CYP2F1: variants seen among roughly 807,000 people sequenced by gnomAD.
CYP2F1 encodes the protein cytochrome P450 family 2 subfamily F member 1.
A neutral mutation model predicts 40.4 loss-of-function variants in CYP2F1; 33 were observed. The ratio of observed to expected loss-of-function variants is 0.82; its 90% CI spans 0.62 to 1.09. The LOEUF is 1.09. CYP2F1 is among the 50% of genes least tolerant of loss of function. CYP2F1 has a pLI of 0.00. For synonymous variants in CYP2F1, 235 were observed against 277.2 expected (o/e 0.85, Z 1.51); for missense variants, 566 against 655.7 (o/e 0.86, Z 1.49).
rs1207573782 is a variant in CYP2F1 at position 41,120,489 on chromosome 19, A to AAC, written c.478_479dup (p.Glu161LeufsTer12). 5 of 1,612,734 alleles carry AAC rather than the reference A, an allele frequency of 3.1e-6. No individual in the cohort carries two copies. The South Asian group carries it at 5.5e-5, about 18-fold the overall frequency. On this transcript the variant is annotated frameshift_variant, in exon 4 of 10. Transcript: ENST00000331105. LOFTEE classifies it high-confidence loss of function. ...GCTTCCTGCTGGCGGAGCTGCGGAA[A>AAC]ACTGAAGGTCAGGAATTTTTTTTAA...
At chr19:41,124,583 T>A (rs2032435141) in intron 7 of CYP2F1, 136 bp from the exon 8 acceptor site, 1 of 770,176 alleles carries the variant, frequency 1.3e-6, no homozygotes, top group Non-Finnish European at 2.0e-6. Context: ...AATTCTCACG[T>A]GCGCCCCAGC....
chr19:41,124,244 T>TC lies in CYP2F1; in HGVS notation c.965-475_965-474insC, dbSNP rs1568381316. On this transcript the variant is annotated intron_variant, in intron 7 of 9. Transcript: ENST00000331105. ...GGCTAATTCTTTTTTTTTTTTCCTC[T>TC]TCCCCCCCCCCTTTTTTTTTTTTTT... Among the ~76,000 whole-genome samples, 86 of 32,948 alleles carry TC rather than the reference T, an allele frequency of 2.6e-3. 1 individual carries two copies. Among genetic ancestry groups the TC allele is most frequent in the Non-Finnish European group, 3.7e-3 (69 of 18,502 alleles). The allele number at this position is 32,948 out of a possible 152,430, so 21.6% of individuals were successfully genotyped here.
chr19:41,125,125 A>G (rs2303171), intron 8 of CYP2F1: 17,316 of 557,816 alleles, frequency 0.031, 687 homozygotes, highest in African/African-American at 0.14. Flanking sequence ...CCCCTTCACC[A>G]TGACAAATCC....
chr19:41,119,784 C>T (rs934194597), intron 3 of CYP2F1, among the ~76,000 whole-genome samples: 58 of 117,070 alleles, frequency 5.0e-4, no homozygotes, highest in African/African-American at 1.4e-3. Flanking sequence ...CACACACACA[C>T]ATATATATTA....
chr19:41,125,255 C>G, intron 8 of CYP2F1: 1 of 633,622 alleles, frequency 1.6e-6, no homozygotes, highest in Non-Finnish European at 2.7e-6. Flanking sequence ...CATCTGTTCC[C>G]ACAAAGGTTG....
chr19:41,114,668 G>T (rs1439208334), intron 1 of CYP2F1, among the ~76,000 whole-genome samples, 176 bp downstream of exon 1: 1 of 152,048 alleles, frequency 6.6e-6, no homozygotes, highest in Non-Finnish European at 1.5e-5. Context: ...GCTTCACCAA[G>T]TAGGTGGCTT....
At position 41,124,477 on chromosome 19, in the gene CYP2F1, T is replaced by C. The variant is rs911052336; in HGVS notation, c.965-242T>C. On this transcript the variant is annotated intron_variant, in intron 7 of 9. Coordinates refer to ENST00000331105, the MANE Select transcript of CYP2F1 (RefSeq NM_000774.5). Reference sequence around the variant, plus strand: ...ATTGGGTTTCACCATGTTGCCCAGATGGTCTCAAACTCCTGGGCTCAAGCG... The same window carrying C: ...ATTGGGTTTCACCATGTTGCCCAGACGGTCTCAAACTCCTGGGCTCAAGCG... Among the ~76,000 whole-genome samples the C allele has an allele frequency of 3.3e-4, 50 of 151,950 alleles. 1 individual carries two copies. Among genetic ancestry groups the C allele is most frequent in the African/African-American group, 1.2e-3 (49 of 41,364 alleles).
Position 41,127,923 on chromosome 19 carries a change from G to A in CYP2F1, c.1317G>A (p.Glu439=). 1 of 1,612,666 alleles carries A rather than the reference G, an allele frequency of 6.2e-7. No individual in the cohort carries two copies. Among genetic ancestry groups the A allele is most frequent in the Non-Finnish European group, 8.5e-7 (1 of 1,179,742 alleles). The change falls in exon 10 of 10, where the codon GAG becomes GAA. Residue 439 remains glutamate, a synonymous_variant. Transcript: ENST00000331105. ...CAGGGCGCCGTCTGTGCCTGGGAGAGTCGCTGGCGCGCATGGAGCTCTTTC... is the reference window on the plus strand; with the variant it reads ...CAGGGCGCCGTCTGTGCCTGGGAGAATCGCTGGCGCGCATGGAGCTCTTTC... ...FSAGRRLCLG[E]SLARMELFLY...
At chr19:41,119,478 G>A (rs1031935219) in intron 3 of CYP2F1, among the ~76,000 whole-genome samples, 2 of 151,576 alleles carry the variant, frequency 1.3e-5, no homozygotes, top group African/African-American at 4.8e-5. Context: ...GCCAGGCGCA[G>A]TGGCTCATGC....
At chr19:41,116,663 G>T (rs1361425941) in intron 3 of CYP2F1, 46 bp downstream of exon 3, 1 of 1,596,942 alleles carries the variant, frequency 6.3e-7, no homozygotes. Context: ...TTTCCATATT[G>T]AGGGAGGGGG....
rs779989368 is a variant in CYP2F1, at chr19:41,116,460, C to A, written c.177C>A (p.Ser59Arg). Residue 59 changes from serine to arginine, a missense_variant, in exon 3 of 10, where the codon AGC becomes AGA. Ser to Arg is a moderately radical substitution (Grantham distance 110, BLOSUM62 -1). Coordinates refer to ENST00000331105, the MANE Select transcript of CYP2F1 (RefSeq NM_000774.5). The part of the protein sequence containing the change: ...QDMLTSLTKL[S>R]KEYGSMYTVH... ...TTCTGTCTTCCTACCCTCAGCTGAG[C>A]AAGGAGTATGGCTCCATGTACACAG... 3 of 1,610,204 alleles carry A rather than the reference C, an allele frequency of 1.9e-6. No individual in the cohort carries two copies. Among genetic ancestry groups the A allele is most frequent in the East Asian group, 2.2e-5 (1 of 44,800 alleles).
At chr19:41,124,413 G>A (rs1309202254) in intron 7 of CYP2F1, among the ~76,000 whole-genome samples, 3 of 151,682 alleles carry the variant, frequency 2.0e-5, no homozygotes, top group Non-Finnish European at 2.9e-5. Context: ...ACAGGTGTGC[G>A]CCACCAAGCC....
At chr19:41,125,757 A>T in intron 9 of CYP2F1, 123 bp downstream of exon 9, 1 of 1,607,338 alleles carries the variant, frequency 6.2e-7, no homozygotes, top group Non-Finnish European at 8.5e-7. Flanking sequence ...GCACAGAGAC[A>T]TTCATTCCTC....
rs561309664 is a variant in CYP2F1, at chr19:41,123,176, C to T, written c.964+213C>T. On this transcript the variant is annotated intron_variant, in intron 7 of 9. Coordinates refer to ENST00000331105, the MANE Select transcript of CYP2F1 (RefSeq NM_000774.5). ...CCCGAATCCCGACCCAGATCCCACC[C>T]GCTTAATTGTTGGTTTTTTTGTCTT... The T allele has an allele frequency of 2.6e-5, 18 of 686,040 alleles. 1 individual carries two copies. The highest frequency in any genetic ancestry group is 1.4e-4 in the East Asian group (5 of 35,448). 42.5% of individuals were successfully genotyped at this position (686,040 alleles called of 1,614,324 possible). A position where few individuals can be genotyped will look rare whatever the true frequency, so the allele number is the denominator to read the frequency against.
chr19:41,116,945 G>C lies in CYP2F1; in HGVS notation c.334+328G>C, dbSNP rs1215980009. 2.0e-5 allele frequency among the ~76,000 whole-genome samples: 3 copies of C among 151,810 alleles called. No homozygotes were observed. The East Asian group carries it at 5.8e-4, about 29-fold the overall frequency. ...CAGTCAAGTGGCCCCAGTTCCCACT[G>C]ACCACCTCAACCCAATCCCAGTCCC... is the stretch of plus-strand genomic sequence containing the variant. On this transcript the variant is annotated intron_variant, in intron 3 of 9. Transcript: ENST00000331105.
In CYP2F1 at chr19:41,125,427, A is replaced by G. The variant is rs559161207; in HGVS notation, c.1153-66A>G. On this transcript the variant is annotated intron_variant, in intron 8 of 9. Coordinates refer to ENST00000331105, the MANE Select transcript of CYP2F1 (RefSeq NM_000774.5). ...TCCCCAGGACACCCAGCCCAATACA[A>G]TGGAAAGGAGTTTGGGAGCCTCCCA... is the stretch of plus-strand genomic sequence containing the variant. 1,148 of 849,022 alleles carry G rather than the reference A, an allele frequency of 1.4e-3. 6 individuals are homozygous for G. In the African/African-American group the frequency reaches 0.019, roughly 14 times the overall value. 52.6% of individuals were successfully genotyped at this position (849,022 alleles called of 1,614,324 possible).
chr19:41,127,203 C>T (rs574002222), intron 9 of CYP2F1, among the ~76,000 whole-genome samples: 152 of 152,308 alleles, frequency 1.0e-3, no homozygotes, highest in Non-Finnish European at 6.6e-4. Context: ...TAAGGCCTGC[C>T]TCTTGGAGTT....
At chr19:41,127,763 A>T (rs1348952603) in intron 9 of CYP2F1, 138 bp from the exon 10 acceptor site, 14 of 685,602 alleles carry the variant, frequency 2.0e-5, no homozygotes, top group Admixed American at 1.1e-4. Context: ...CATCTTTCCC[A>T]GTTCTTTACA....
At chr19:41,125,103 T>C (rs2017415719) in intron 8 of CYP2F1, 197 bp downstream of exon 8, 3 of 591,658 alleles carry the variant, frequency 5.1e-6, no homozygotes, top group African/African-American at 1.9e-5. Context: ...TCTCATATCA[T>C]AGTGGACTAG....
Sources: allele counts gnomAD v4.1 joint callset (sites outside exome capture counted in the v4.1 genomes callset), GRCh38; gene constraint gnomAD v4.1.1; transcripts MANE v1.5; gene names NCBI Gene and HGNC (gene_info 2026-07-23, HGNC 2026-07-21).